CSMD1: variants seen among roughly 807,000 people sequenced by gnomAD.
The protein encoded by CSMD1 is CUB and Sushi multiple domains 1.
A neutral mutation model predicts 417.5 loss-of-function variants in CSMD1; 213 were observed. The ratio of observed to expected loss-of-function variants is 0.51; its 90% CI spans 0.46 to 0.57. The LOEUF is 0.57. Ranked by LOEUF, CSMD1 falls within the 20% of genes least tolerant of loss-of-function variation. CSMD1 has a pLI of 0.00. For missense variants in CSMD1, 6,923 were observed against 4,529.7 expected, an observed-to-expected ratio of 1.53 and a Z score of -15.17; for synonymous variants, 2,862 against 1,736.8, an observed-to-expected ratio of 1.65 and a Z score of -16.11.
intron 1 of CSMD1, among the ~76,000 whole-genome samples, chr8:4,839,930 A>G (rs1475346000): frequency 3.3e-5 from 5 of 152,224 alleles, no homozygotes; most frequent in African/African-American, 7.2e-5. Context: ...ATACAACTCT[A>G]CAACACAGAC....
At chr8:4,941,330 A>G (rs537040096) in intron 1 of CSMD1, among the ~76,000 whole-genome samples, 8 of 151,790 alleles carry the variant, frequency 5.3e-5, no homozygotes, top group African/African-American at 1.9e-4. Flanking sequence ...CACACGCTTC[A>G]TAATAAATGT....
At chr8:3,904,990 CA>C (rs1444239230) in intron 5 of CSMD1, among the ~76,000 whole-genome samples, 1 of 152,032 alleles carries the variant, frequency 6.6e-6, no homozygotes, top group Non-Finnish European at 1.5e-5. Context: ...GAAGAAGTAC[CA>C]AGTTACAAAT....
At chr8:4,469,658 T>C (rs1800408411) in intron 2 of CSMD1, among the ~76,000 whole-genome samples, 1 of 152,106 alleles carries the variant, frequency 6.6e-6, no homozygotes, top group Admixed American at 6.6e-5. Context: ...CCCCACCTCG[T>C]CTGGAAACAG....
At chr8:4,903,006 TAATAATA>T (rs1475988470) in intron 1 of CSMD1, among the ~76,000 whole-genome samples, 1,696 of 122,258 alleles carry the variant, frequency 0.014, 25 homozygotes, top group African/African-American at 0.058. Context: ...TAAATAATAT[TAATAATA>T]AATAAATAAA....
chr8:4,528,191 T>C (rs1238658287), intron 2 of CSMD1, among the ~76,000 whole-genome samples: 2 of 152,330 alleles, frequency 1.3e-5, no homozygotes, highest in South Asian at 2.1e-4. Context: ...CCTTGGTTCA[T>C]GGCTGCTGTT....
chr8:4,180,673 A>G (rs746076355), intron 3 of CSMD1, among the ~76,000 whole-genome samples: 1 of 152,222 alleles, frequency 6.6e-6, no homozygotes, highest in Non-Finnish European at 1.5e-5. Flanking sequence ...AGCACTGGCC[A>G]TATGAAAGGC....
chr8:3,237,998 G>C (rs200983772), intron 26 of CSMD1, among the ~76,000 whole-genome samples: 1 of 149,214 alleles, frequency 6.7e-6, no homozygotes, highest in South Asian at 2.1e-4. Context: ...AATTTCACTC[G>C]CGTCCGTGTG....
intron 2 of CSMD1, among the ~76,000 whole-genome samples, chr8:4,465,524 G>C (rs1429929822): frequency 1.3e-5 from 2 of 152,252 alleles, no homozygotes; most frequent in South Asian, 4.1e-4. Flanking sequence ...GGATATGGAA[G>C]CACATACAAC....
chr8:4,823,120 A>C (rs978239809), intron 1 of CSMD1, among the ~76,000 whole-genome samples: 1 of 152,100 alleles, frequency 6.6e-6, no homozygotes, highest in Non-Finnish European at 1.5e-5. Flanking sequence ...ACTGGTGTCA[A>C]ACTGAAGCTA....
intron 7 of CSMD1, among the ~76,000 whole-genome samples, chr8:3,671,429 A>G (rs1298178151): frequency 1.4e-5 from 2 of 146,358 alleles, no homozygotes; most frequent in Non-Finnish European, 3.0e-5. Flanking sequence ...AGTACTATAT[A>G]TATAGTCACA....
chr8:4,318,162 T>C (rs2128882462), intron 3 of CSMD1, among the ~76,000 whole-genome samples: 1 of 152,266 alleles, frequency 6.6e-6, no homozygotes, highest in South Asian at 2.1e-4. Context: ...ATGAACATTC[T>C]AATATTGTTA....
At chr8:4,130,335 C>G (rs1313381364) in intron 3 of CSMD1, among the ~76,000 whole-genome samples, 4 of 152,246 alleles carry the variant, frequency 2.6e-5, no homozygotes, top group Middle Eastern at 6.8e-3. Context: ...GTCTTCTATT[C>G]CAAAGACCCC....
At chr8:4,323,372 T>C (rs963661659) in intron 3 of CSMD1, among the ~76,000 whole-genome samples, 3 of 152,186 alleles carry the variant, frequency 2.0e-5, no homozygotes, top group Non-Finnish European at 4.4e-5. Flanking sequence ...TGTTCTTTCC[T>C]GTACAGCATG....
intron 49 of CSMD1, among the ~76,000 whole-genome samples, chr8:3,076,326 T>A (rs906996455): frequency 7.0e-6 from 1 of 142,368 alleles, no homozygotes; most frequent in Admixed American, 6.9e-5. Context: ...CCTCTTTGTA[T>A]GAGGACACCA....
rs141694100 is a variant in CSMD1 at position 3,637,502 on chromosome 8, T to C, written c.1010-20705A>G. Among the ~76,000 whole-genome samples, 288 of 152,290 alleles carry C rather than the reference T, an allele frequency of 1.9e-3. 1 individual carries two copies. Among genetic ancestry groups the C allele is most frequent in the African/African-American group, 6.6e-3 (275 of 41,576 alleles). ...CAGAATTGTTCTTCTTTGACTATAA[T>C]AAAATATACAAAACTACCTGACAAG... On this transcript the variant is annotated intron_variant, in intron 7 of 69. Coordinates refer to ENST00000635120, the MANE Select transcript of CSMD1 (RefSeq NM_033225.6).
rs182431286 is a variant in CSMD1 at position 3,809,481 on chromosome 8, G to C, written c.819-55439C>G. ...TCCTGGGGATAGTTCATACTGGGCT[G>C]CGTGATCCTTCAGTTTCCTTTTAAT... On this transcript the variant is annotated intron_variant, in intron 5 of 69. Coordinates refer to ENST00000635120, the MANE Select transcript of CSMD1 (RefSeq NM_033225.6). 1.9e-3 allele frequency among the ~76,000 whole-genome samples: 295 copies of C among 152,302 alleles called. 1 individual carries two copies. Among genetic ancestry groups the C allele is most frequent in the African/African-American group, 6.5e-3 (271 of 41,560 alleles).
intron 1 of CSMD1, among the ~76,000 whole-genome samples, chr8:4,987,134 G>A (rs573814382): frequency 1.3e-5 from 2 of 152,250 alleles, no homozygotes; most frequent in South Asian, 4.1e-4. Context: ...TGTATTCTCT[G>A]TATCAGAATT....
At chr8:4,006,918 C>T (rs1816165368) in intron 4 of CSMD1, among the ~76,000 whole-genome samples, 1 of 149,146 alleles carries the variant, frequency 6.7e-6, no homozygotes, top group South Asian at 2.1e-4. Flanking sequence ...AGCTCCGCCT[C>T]CTGGGTTCAA....
intron 37 of CSMD1, among the ~76,000 whole-genome samples, chr8:3,175,527 TCC>T (rs1820878534): frequency 6.9e-6 from 1 of 144,586 alleles, no homozygotes; most frequent in East Asian, 2.1e-4. Flanking sequence ...CTTCCTTCCT[TCC>T]TTCCTTCTTC....
Sources: allele counts gnomAD v4.1 joint callset (sites outside exome capture counted in the v4.1 genomes callset), GRCh38; gene constraint gnomAD v4.1.1; transcripts MANE v1.5; gene names NCBI Gene and HGNC (gene_info 2026-07-23, HGNC 2026-07-21).